The following NOVA1 variants were observed in gnomAD, a reference collection of about 807,000 sequenced individuals.
NOVA1 encodes the protein NOVA alternative splicing regulator 1.
In NOVA1, 7 loss-of-function variants were observed where a neutral mutation model predicts 38.0. The ratio of observed to expected loss-of-function variants is 0.18; its 90% CI spans 0.10 to 0.35. The LOEUF is 0.35. Among genes scored for constraint, NOVA1 ranks in the 10% least tolerant of loss-of-function variants. NOVA1 has a pLI of 1.00. For synonymous variants in NOVA1, 270 were observed against 232.5 expected, an observed-to-expected ratio of 1.16 and a Z score of -1.47; for missense variants, 460 against 616.0, an observed-to-expected ratio of 0.75 and a Z score of 2.68.
intron 2 of NOVA1, among the ~76,000 whole-genome samples, chr14:26,515,229 G>C (rs116915125): frequency 6.6e-6 from 1 of 151,766 alleles, no homozygotes; most frequent in Admixed American, 6.6e-5. Flanking sequence ...TCTGTTTAGG[G>C]TTCCAGTTAA....
intron 2 of NOVA1, among the ~76,000 whole-genome samples, chr14:26,574,990 T>C (rs771640064): frequency 6.6e-5 from 10 of 152,098 alleles, no homozygotes; most frequent in Non-Finnish European, 1.3e-4. Flanking sequence ...GTTGAAAAAA[T>C]CATATTGTGG....
intron 2 of NOVA1, among the ~76,000 whole-genome samples, chr14:26,579,788 T>C (rs1893097622): frequency 1.3e-5 from 2 of 152,242 alleles, no homozygotes; most frequent in East Asian, 3.9e-4. Flanking sequence ...ATTACACTAC[T>C]AAAATTTCTT....
intron 2 of NOVA1, among the ~76,000 whole-genome samples, chr14:26,528,326 T>C (rs1162999223): frequency 6.6e-6 from 1 of 152,162 alleles, no homozygotes; most frequent in African/African-American, 2.4e-5. Context: ...ACAACTCCTA[T>C]GGTATCTCCA....
rs1885297922 is a variant in NOVA1 at position 26,479,810 on chromosome 14, A to T, written c.447+167T>A. On this transcript the variant is annotated intron_variant, in intron 3 of 4. Transcript: ENST00000539517. ...AATTGATCAATAAATTAACTGATCA[A>T]TCTAAGGATGAGACCTTGATAGTCT... The T allele has an allele frequency of 9.5e-6, 6 of 631,900 alleles. No homozygotes were observed. The East Asian group carries it at 1.7e-4, about 18-fold the overall frequency. 39.1% of individuals were successfully genotyped at this position (631,900 alleles called of 1,614,324 possible). A position where few individuals can be genotyped will look rare whatever the true frequency, so the allele number is the denominator to read the frequency against.
chr14:26,595,899 C>T lies in NOVA1; in HGVS notation c.137-346G>A, dbSNP rs189205278. 462 of 387,272 alleles carry T rather than the reference C, an allele frequency of 1.2e-3. 1 individual carries two copies. The highest frequency in any genetic ancestry group is 1.7e-3 in the Non-Finnish European group (337 of 202,394). The allele number at this position is 387,272 out of a possible 1,614,324, so 24.0% of individuals were successfully genotyped here. ...TGTGGCAAAATGAAATGAACTGACC[C>T]TTTAACAAAACTTCAGAGGTTTATA... On this transcript the variant is annotated intron_variant, in intron 1 of 4. Transcript: ENST00000539517.
chr14:26,513,543 TC>T (rs1391547716), intron 2 of NOVA1, among the ~76,000 whole-genome samples: 1 of 151,592 alleles, frequency 6.6e-6, no homozygotes, highest in African/African-American at 2.4e-5. Flanking sequence ...TGGCAATAAA[TC>T]CAGAAGAAAA....
chr14:26,455,231 C>T (rs1029731381), intron 4 of NOVA1, among the ~76,000 whole-genome samples: 1 of 152,148 alleles, frequency 6.6e-6, no homozygotes. Flanking sequence ...CCATTGCTCA[C>T]TCAGATTTTA....
intron 4 of NOVA1, among the ~76,000 whole-genome samples, chr14:26,454,582 T>C (rs1245191): frequency 0.6 from 91,598 of 152,082 alleles, 31,428 homozygotes; most frequent in Non-Finnish European, 0.75. Flanking sequence ...ACTCCCTTTT[T>C]TGCTTAAAGA....
chr14:26,454,494 T>C (rs1882992757), intron 4 of NOVA1, among the ~76,000 whole-genome samples: 2 of 152,256 alleles, frequency 1.3e-5, no homozygotes, highest in Non-Finnish European at 2.9e-5. Flanking sequence ...GAAAATGAAG[T>C]TAACTCAGAT....
At chr14:26,461,856 C>T (rs2138612291) in intron 4 of NOVA1, among the ~76,000 whole-genome samples, 2 of 151,754 alleles carry the variant, frequency 1.3e-5, no homozygotes, top group African/African-American at 4.8e-5. Context: ...AGGAGAATCT[C>T]TTGAACCTGG....
intron 2 of NOVA1, among the ~76,000 whole-genome samples, chr14:26,480,869 A>C (rs1270169503): frequency 1.3e-5 from 2 of 152,052 alleles, no homozygotes; most frequent in Non-Finnish European, 2.9e-5. Flanking sequence ...CTAAACATGA[A>C]ATTTAAATAG....
chr14:26,486,698 A>G (rs963237211), intron 2 of NOVA1, among the ~76,000 whole-genome samples: 2 of 142,724 alleles, frequency 1.4e-5, no homozygotes, highest in African/African-American at 5.4e-5. Context: ...GACAGACTCA[A>G]AAAAAAAAAA....
At chr14:26,575,294 T>C (rs1433163087) in intron 2 of NOVA1, among the ~76,000 whole-genome samples, 1 of 152,020 alleles carries the variant, frequency 6.6e-6, no homozygotes, top group Non-Finnish European at 1.5e-5. Flanking sequence ...GAAAAGGAGC[T>C]TGCAGTGAGA....
At chr14:26,596,725 C>T in intron 1 of NOVA1, 2 of 1,278,736 alleles carry the variant, frequency 1.6e-6, no homozygotes, top group Non-Finnish European at 2.0e-6. Flanking sequence ...ATGCACCCCC[C>T]TGAAGACAAA....
At chr14:26,515,165 C>T (rs1313842691) in intron 2 of NOVA1, among the ~76,000 whole-genome samples, 1 of 151,922 alleles carries the variant, frequency 6.6e-6, no homozygotes, top group African/African-American at 2.4e-5. Context: ...TCATTTTATT[C>T]CTTATTCCAT....
chr14:26,492,686 G>A lies in NOVA1; in HGVS notation c.281-12543C>T, dbSNP rs372291183. ...AAAACACTTAGTTAAAATAAATAGC[G>A]GCTGGGCACGGTGGTTCACGCCTGT... On this transcript the variant is annotated intron_variant, in intron 2 of 4. Coordinates refer to ENST00000539517, the MANE Select transcript of NOVA1 (RefSeq NM_002515.3). Among the ~76,000 whole-genome samples the A allele has an allele frequency of 1.2e-4, 19 of 152,210 alleles. No individual in the cohort carries two copies. In the East Asian group the frequency reaches 2.9e-3, roughly 23 times the overall value.
chr14:26,546,518 T>C (rs1444559710), intron 2 of NOVA1, among the ~76,000 whole-genome samples: 1 of 152,168 alleles, frequency 6.6e-6, no homozygotes, highest in Non-Finnish European at 1.5e-5. Context: ...TACTTTAAAA[T>C]GTATGTTCTT....
intron 2 of NOVA1, among the ~76,000 whole-genome samples, chr14:26,563,015 T>C (rs1197967364): frequency 6.6e-6 from 1 of 152,054 alleles, no homozygotes; most frequent in African/African-American, 2.4e-5. Context: ...AACAGACATA[T>C]AGCTACCGTC....
intron 2 of NOVA1, among the ~76,000 whole-genome samples, chr14:26,483,065 T>C (rs1009618446): frequency 6.6e-6 from 1 of 152,212 alleles, no homozygotes; most frequent in Non-Finnish European, 1.5e-5. Context: ...GAAGGGGCAA[T>C]GTCAAATACA....
Sources: allele counts gnomAD v4.1 joint callset (sites outside exome capture counted in the v4.1 genomes callset), GRCh38; gene constraint gnomAD v4.1.1; transcripts MANE v1.5; gene names NCBI Gene and HGNC (gene_info 2026-07-23, HGNC 2026-07-21).